The following UNC13B variants were observed in gnomAD, a reference collection of about 807,000 sequenced individuals.
UNC13B encodes the protein unc-13 homolog B.
UNC13B carries 144 observed loss-of-function variants against 211.0 expected under a neutral mutation model. The ratio of observed to expected loss-of-function variants is 0.68; its 90% CI spans 0.60 to 0.78. The LOEUF (loss-of-function observed/expected upper bound fraction) is 0.78, where lower values mean the gene tolerates loss of function less well. Among genes scored for constraint, UNC13B ranks in the 30% least tolerant of loss-of-function variants. UNC13B has a pLI of 0.00. For missense variants in UNC13B, 1,777 were observed against 2,002.0 expected, an observed-to-expected ratio of 0.89 and a Z score of 2.14; for synonymous variants, 709 against 725.8, an observed-to-expected ratio of 0.98 and a Z score of 0.37.
Position 35,376,201 on chromosome 9 carries a change from G to C in UNC13B, c.9789G>C (p.Lys3263Asn). ...QGMRCSECGV[K>N]CHEKCQDLLN... ...TGCGCTGCAGCGAATGTGGAGTCAA[G>C]TGCCATGAGAAGTGCCAGGATCTGC... Residue 3263 changes from lysine to asparagine, a missense_variant, in exon 15 of 40, where the codon AAG (lysine) becomes AAC (asparagine). By Grantham distance (94) the Lys-to-Asn change is moderately conservative. Transcript: ENST00000635942. 6.2e-7 allele frequency: 1 copy of C among 1,614,104 alleles called. No individual in the cohort carries two copies. Among genetic ancestry groups the C allele is most frequent in the Non-Finnish European group, 8.5e-7 (1 of 1,180,016 alleles).
chr9:35,394,708 A>G (rs1188118441), intron 26 of UNC13B, among the ~76,000 whole-genome samples: 1 of 152,154 alleles, frequency 6.6e-6, no homozygotes, highest in African/African-American at 2.4e-5. Flanking sequence ...TCCAGGAGGA[A>G]AGGAGGGAGT....
At position 35,305,526 on chromosome 9, in the gene UNC13B, C is replaced by T. The variant is rs1205159797; in HGVS notation, c.6122C>T (p.Ala2041Val). 1 of 398,850 alleles carries T rather than the reference C, an allele frequency of 2.5e-6. No individual in the cohort carries two copies. Among genetic ancestry groups the T allele is most frequent in the Non-Finnish European group, 4.4e-6 (1 of 226,040 alleles). The allele number at this position is 398,850 out of a possible 1,614,324, so 24.7% of individuals were successfully genotyped here. The change falls in exon 9 of 40, where the codon GCT (alanine) becomes GTT (valine). Residue 2041 changes from alanine to valine, a missense_variant. Ala to Val is a moderately conservative substitution (Grantham distance 64). Coordinates refer to ENST00000635942, the MANE Select transcript of UNC13B (RefSeq NM_001371189.2). ...PAAPISSKGK[A>V]RVRRLNKQTT... Reference sequence around the variant, plus strand: ...GCACCAATTTCCTCTAAAGGGAAGGCTAGAGTTAGAAGACTGAACAAACAG... The same window carrying T: ...GCACCAATTTCCTCTAAAGGGAAGGTTAGAGTTAGAAGACTGAACAAACAG...
chr9:35,351,828 C>T (rs2132068351), intron 11 of UNC13B: 1 of 1,232,246 alleles, frequency 8.1e-7, no homozygotes, highest in East Asian at 3.2e-5. Context: ...TCTCAGGATC[C>T]CTCATCTGTC....
intron 1 of UNC13B, among the ~76,000 whole-genome samples, chr9:35,217,101 A>C (rs1824289565): frequency 6.6e-6 from 1 of 152,192 alleles, no homozygotes; most frequent in Non-Finnish European, 1.5e-5. Context: ...TTGTGGCAAT[A>C]GTAACATGGG....
At chr9:35,374,489 GGGCTTGGCAGATACATGGGGCCCCCTA>G in intron 13 of UNC13B, among the ~76,000 whole-genome samples, 1 of 140,792 alleles carries the variant, frequency 7.1e-6, no homozygotes, top group African/African-American at 2.8e-5. Context: ...TTAACTCTCT[GGGCTTGGCAGATACATGGGGCCCCCTA>G]TGCAAGAGTG....
intron 7 of UNC13B, among the ~76,000 whole-genome samples, chr9:35,261,575 G>A (rs1031120010): frequency 1.3e-5 from 2 of 151,684 alleles, no homozygotes; most frequent in Admixed American, 1.3e-4. Context: ...AAGGTAAATG[G>A]GGTATCCATC....
At chr9:35,388,823 C>T (rs1835346799) in intron 24 of UNC13B, among the ~76,000 whole-genome samples, 1 of 152,178 alleles carries the variant, frequency 6.6e-6, no homozygotes. Flanking sequence ...AGAGGAGTAA[C>T]ACATTGAGAT....
chr9:35,362,507 A>G (rs1367547735), intron 11 of UNC13B, among the ~76,000 whole-genome samples: 1 of 152,182 alleles, frequency 6.6e-6, no homozygotes, highest in African/African-American at 2.4e-5. Context: ...GGCCCAGTTG[A>G]AGTTAAAAAT....
intron 11 of UNC13B, among the ~76,000 whole-genome samples, chr9:35,315,752 G>T (rs562586878): frequency 6.6e-6 from 1 of 152,106 alleles, no homozygotes; most frequent in East Asian, 1.9e-4. Context: ...GCATTTAGTC[G>T]TGATATCTCT....
At chr9:35,394,604 TAAG>T (rs766927139) in intron 26 of UNC13B, among the ~76,000 whole-genome samples, 12 of 151,960 alleles carry the variant, frequency 7.9e-5, no homozygotes, top group East Asian at 1.9e-4. Flanking sequence ...TCAAAAAAAA[TAAG>T]AAGTTTATAT....
intron 11 of UNC13B, among the ~76,000 whole-genome samples, chr9:35,318,086 T>C (rs1011391356): frequency 2.0e-5 from 3 of 152,134 alleles, no homozygotes; most frequent in African/African-American, 7.2e-5. Context: ...AAAGACTAGC[T>C]GAAAACAGTT....
intron 24 of UNC13B, among the ~76,000 whole-genome samples, chr9:35,387,497 A>T (rs1835264279): frequency 1.3e-5 from 2 of 152,128 alleles, no homozygotes; most frequent in Admixed American, 1.3e-4. Flanking sequence ...GGTTTTCCTG[A>T]GGCCTTTGTT....
At chr9:35,283,013 AT>A (rs915601908) in intron 7 of UNC13B, among the ~76,000 whole-genome samples, 4 of 152,188 alleles carry the variant, frequency 2.6e-5, no homozygotes, top group Admixed American at 6.5e-5. Flanking sequence ...ATAATTTAAA[AT>A]TTTTTCCCCA....
At position 35,313,363 on chromosome 9, in the gene UNC13B, G is replaced by A. The variant is rs540505764; in HGVS notation, c.9324-536G>A. Among the ~76,000 whole-genome samples the A allele has an allele frequency of 4.6e-5, 7 of 152,244 alleles. No homozygotes were observed. The South Asian group carries it at 1.2e-3, about 27-fold the overall frequency. ...GAACAGATGAGGCGCAGTGGCTCAC[G>A]CCTGTAATCCCAGCACTTTGGGAGG... On this transcript the variant is annotated intron_variant, in intron 10 of 39. Transcript: ENST00000635942.
chr9:35,334,969 T>C (rs1217845394), intron 11 of UNC13B, among the ~76,000 whole-genome samples: 1 of 151,788 alleles, frequency 6.6e-6, no homozygotes, highest in Non-Finnish European at 1.5e-5. Flanking sequence ...ACCCGGGAGG[T>C]GGAGGTTGCA....
chr9:35,335,142 A>T (rs998107153), intron 11 of UNC13B, among the ~76,000 whole-genome samples: 1 of 152,228 alleles, frequency 6.6e-6, no homozygotes, highest in African/African-American at 2.4e-5. Context: ...TTGCCACAGG[A>T]CTTTAAGGAA....
At chr9:35,289,098 G>A (rs973564726) in intron 7 of UNC13B, among the ~76,000 whole-genome samples, 5 of 151,998 alleles carry the variant, frequency 3.3e-5, no homozygotes, top group Non-Finnish European at 5.9e-5. Context: ...TATCCTTTCT[G>A]AGAGGTGAGA....
At chr9:35,275,897 G>T (rs760635208) in intron 7 of UNC13B, among the ~76,000 whole-genome samples, 3 of 152,104 alleles carry the variant, frequency 2.0e-5, no homozygotes, top group African/African-American at 7.2e-5. Context: ...GCCTGAATTG[G>T]TTTTAGAGTA....
chr9:35,324,279 A>C (rs1045470930), intron 11 of UNC13B, among the ~76,000 whole-genome samples: 11 of 152,242 alleles, frequency 7.2e-5, no homozygotes, highest in Admixed American at 2.6e-4. Context: ...CATATTATAC[A>C]CGGTTCTATG....
Sources: allele counts gnomAD v4.1 joint callset (sites outside exome capture counted in the v4.1 genomes callset), GRCh38; gene constraint gnomAD v4.1.1; transcripts MANE v1.5; gene names NCBI Gene and HGNC (gene_info 2026-07-23, HGNC 2026-07-21).